Variants in LRMDA observed in about 807,000 individuals in gnomAD.
LRMDA encodes the protein leucine rich melanocyte differentiation associated, also known as leucine-rich melanocyte differentiation-associated protein.
LRMDA carries 18 observed loss-of-function variants against 29.8 expected under a neutral mutation model. That is an observed-to-expected ratio of 0.60 (90% CI 0.42 to 0.90). The LOEUF (loss-of-function observed/expected upper bound fraction) is 0.90, where lower values mean the gene tolerates loss of function less well. Among genes scored for constraint, LRMDA ranks in the 40% least tolerant of loss-of-function variants. The probability of loss-of-function intolerance (pLI) is 0.00; values close to 1 mark genes in which losing one functional copy is unlikely to be tolerated. For synonymous variants in LRMDA, 125 were observed against 109.4 expected (o/e 1.14, Z -0.89); for missense variants, 273 against 273.9 (o/e 1.00, Z 0.02).
chr10:75,568,271 A>G (rs1472872390), intron 2 of LRMDA, among the ~76,000 whole-genome samples: 1 of 152,206 alleles, frequency 6.6e-6, no homozygotes, highest in Non-Finnish European at 1.5e-5. Flanking sequence ...AGTGTGTGTT[A>G]ATAAATATTG....
At chr10:75,749,946 G>A (rs959816067) in intron 2 of LRMDA, among the ~76,000 whole-genome samples, 1 of 152,182 alleles carries the variant, frequency 6.6e-6, no homozygotes, top group Non-Finnish European at 1.5e-5. Flanking sequence ...GGGGTTGGGG[G>A]TAAGATTATA....
intron 2 of LRMDA, among the ~76,000 whole-genome samples, chr10:75,917,852 C>T (rs891893888): frequency 9.2e-5 from 14 of 152,272 alleles, no homozygotes; most frequent in South Asian, 2.1e-4. Flanking sequence ...AATAATGGTA[C>T]GTACCCCGCC....
At chr10:76,063,194 T>C (rs2132059857) in intron 5 of LRMDA, among the ~76,000 whole-genome samples, 1 of 152,366 alleles carries the variant, frequency 6.6e-6, no homozygotes, top group Admixed American at 6.5e-5. Flanking sequence ...AGAAAGTGTT[T>C]TGACGCTTAT....
chr10:75,786,836 C>T (rs1843479773), intron 2 of LRMDA, among the ~76,000 whole-genome samples: 1 of 152,182 alleles, frequency 6.6e-6, no homozygotes, highest in East Asian at 1.9e-4. Context: ...TCTTCCATAG[C>T]ACACACACTA....
chr10:75,633,021 G>C (rs184989727), intron 2 of LRMDA, among the ~76,000 whole-genome samples: 1 of 152,056 alleles, frequency 6.6e-6, no homozygotes, highest in Non-Finnish European at 1.5e-5. Flanking sequence ...GGGCTTGAGC[G>C]TGTGTTTGAG....
intron 6 of LRMDA, among the ~76,000 whole-genome samples, chr10:76,493,598 A>G (rs1308032778): frequency 6.6e-6 from 1 of 152,098 alleles, no homozygotes; most frequent in Non-Finnish European, 1.5e-5. Flanking sequence ...ATTAACCTAT[A>G]TTTCTATCTT....
At chr10:76,199,394 T>C (rs1851388330) in intron 5 of LRMDA, among the ~76,000 whole-genome samples, 1 of 152,194 alleles carries the variant, frequency 6.6e-6, no homozygotes, top group Non-Finnish European at 1.5e-5. Flanking sequence ...ATGGACTGGC[T>C]ATGTGACCTT....
intron 5 of LRMDA, among the ~76,000 whole-genome samples, chr10:76,162,505 A>G (rs1478248364): frequency 6.6e-6 from 1 of 152,210 alleles, no homozygotes; most frequent in African/African-American, 2.4e-5. Context: ...TAACACAGCC[A>G]TCGGCTTCTG....
At chr10:76,471,530 G>T (rs1426547447) in intron 6 of LRMDA, among the ~76,000 whole-genome samples, 1 of 150,934 alleles carries the variant, frequency 6.6e-6, no homozygotes, top group African/African-American at 2.4e-5. Context: ...ACACACATGG[G>T]GCATATAGGA....
At chr10:75,480,910 A>G (rs1844849266) in intron 2 of LRMDA, among the ~76,000 whole-genome samples, 5 of 151,950 alleles carry the variant, frequency 3.3e-5, no homozygotes, top group Admixed American at 3.3e-4. Context: ...TGGAGGGGTG[A>G]GGCATGGGAG....
chr10:76,536,151 A>G (rs1366488616), intron 6 of LRMDA, among the ~76,000 whole-genome samples: 1 of 152,178 alleles, frequency 6.6e-6, no homozygotes, highest in African/African-American at 2.4e-5. Flanking sequence ...ATACTTCGGC[A>G]TGGGTCTCCT....
At chr10:75,746,066 T>C (rs1289473389) in intron 2 of LRMDA, among the ~76,000 whole-genome samples, 1 of 152,206 alleles carries the variant, frequency 6.6e-6, no homozygotes, top group Non-Finnish European at 1.5e-5. Context: ...GTGAAGTTAC[T>C]GTGTTCAGCT....
chr10:76,276,557 G>A (rs1289236653), intron 5 of LRMDA, among the ~76,000 whole-genome samples: 1 of 152,062 alleles, frequency 6.6e-6, no homozygotes, highest in Non-Finnish European at 1.5e-5. Context: ...TTTAAAGCAA[G>A]CTCAACTTTA....
chr10:75,514,989 A>T (rs570395752), intron 2 of LRMDA, among the ~76,000 whole-genome samples: 1 of 152,318 alleles, frequency 6.6e-6, no homozygotes, highest in African/African-American at 2.4e-5. Context: ...TAGGAAGGTC[A>T]TCAACTGATG....
chr10:75,503,402 G>GA (rs1193117379), intron 2 of LRMDA, among the ~76,000 whole-genome samples: 1 of 151,916 alleles, frequency 6.6e-6, no homozygotes. Flanking sequence ...ATGTTTAAAG[G>GA]AAAAATATGG....
chr10:76,556,537 T>G (rs1402195585), intron 6 of LRMDA: 1 of 152,136 alleles, frequency 6.6e-6, no homozygotes, highest in African/African-American at 2.4e-5. Context: ...ATATTTTTAG[T>G]AGAGACGGAG....
At chr10:76,324,268 G>A (rs1342903042) in intron 5 of LRMDA, 133 bp from the exon 6 acceptor site, 10 of 816,174 alleles carry the variant, frequency 1.2e-5, no homozygotes, top group Non-Finnish European at 2.1e-5. Flanking sequence ...AACAGCTCTT[G>A]CTTCCTAAGA....
intron 5 of LRMDA, among the ~76,000 whole-genome samples, chr10:76,243,293 A>C (rs1270465128): frequency 6.6e-6 from 1 of 152,230 alleles, no homozygotes; most frequent in African/African-American, 2.4e-5. Context: ...ATTATAATAG[A>C]GTTCCCTGTA....
chr10:76,546,459 T>C (rs928259649), intron 6 of LRMDA, among the ~76,000 whole-genome samples: 3 of 152,208 alleles, frequency 2.0e-5, no homozygotes, highest in Admixed American at 6.5e-5. Context: ...TAGCTAACCA[T>C]GAGTTAATGA....
Sources: allele counts gnomAD v4.1 joint callset (sites outside exome capture counted in the v4.1 genomes callset), GRCh38; gene constraint gnomAD v4.1.1; transcripts MANE v1.5; gene names NCBI Gene and HGNC (gene_info 2026-07-23, HGNC 2026-07-21).